Variants in OLFM3 observed in about 807,000 individuals in gnomAD.
The protein encoded by OLFM3 is olfactomedin 3.
In OLFM3, 20 loss-of-function variants were observed where a neutral mutation model predicts 48.6. The ratio of observed to expected loss-of-function variants is 0.41; its 90% CI spans 0.29 to 0.60. OLFM3 has a LOEUF of 0.60. Ranked by LOEUF, OLFM3 falls within the 20% of genes least tolerant of loss-of-function variation. The pLI, the probability that OLFM3 is intolerant of heterozygous loss-of-function variation, is 0.28. For missense variants in OLFM3, 437 were observed against 544.3 expected, an observed-to-expected ratio of 0.80 and a Z score of 1.96; for synonymous variants, 222 against 198.1, an observed-to-expected ratio of 1.12 and a Z score of -1.01.
intron 1 of OLFM3, among the ~76,000 whole-genome samples, chr1:101,870,912 C>G (rs2100975914): frequency 6.6e-6 from 1 of 151,234 alleles, no homozygotes; most frequent in African/African-American, 2.4e-5. Flanking sequence ...TGACACTACA[C>G]AGAAACATTG....
chr1:101,991,827 G>A (rs2101122964), intron 1 of OLFM3, among the ~76,000 whole-genome samples: 1 of 151,382 alleles, frequency 6.6e-6, no homozygotes, highest in South Asian at 2.1e-4. Context: ...GCAGAGTGGT[G>A]AGGTGGAAAG....
chr1:101,916,826 G>C (rs1303504426), intron 1 of OLFM3, among the ~76,000 whole-genome samples: 1 of 152,134 alleles, frequency 6.6e-6, no homozygotes, highest in East Asian at 1.9e-4. Flanking sequence ...CAGATACTAA[G>C]CTATAGCAAA....
chr1:101,842,653 T>C (rs1202301661), intron 1 of OLFM3, among the ~76,000 whole-genome samples: 1 of 152,176 alleles, frequency 6.6e-6, no homozygotes, highest in Non-Finnish European at 1.5e-5. Context: ...TAGTCCCATG[T>C]CTTTCCACAC....
rs2094409 is a variant in OLFM3 at position 101,937,794 on chromosome 1, G to A, written c.69+58954C>T. On this transcript the variant is annotated intron_variant, in intron 1 of 5. Coordinates refer to ENST00000370103, the MANE Select transcript of OLFM3 (RefSeq NM_058170.4). ...ATATCTCAAATACTTTCTTATCAAA[G>A]GTATCTCCTGACCACCCTATACATA... Among the ~76,000 whole-genome samples the A allele has an allele frequency of 3.0e-3, 451 of 152,168 alleles. 4 individuals carry two copies. The highest frequency in any genetic ancestry group is 9.8e-3 in the African/African-American group (406 of 41,506).
At chr1:101,860,357 G>A (rs1229529345) in intron 1 of OLFM3, among the ~76,000 whole-genome samples, 1 of 152,038 alleles carries the variant, frequency 6.6e-6, no homozygotes, top group East Asian at 1.9e-4. Context: ...GCAACTGCGT[G>A]TTAACTCAGC....
At chr1:101,812,872 T>G (rs1654136384) in intron 4 of OLFM3, 1 of 994,910 alleles carries the variant, frequency 1.0e-6, no homozygotes, top group Non-Finnish European at 1.2e-6. Context: ...AATCATACCT[T>G]AGAAAGCAAA....
chr1:101,898,125 A>C (rs868305366), intron 1 of OLFM3, among the ~76,000 whole-genome samples: 14 of 152,170 alleles, frequency 9.2e-5, no homozygotes, highest in African/African-American at 3.1e-4. Flanking sequence ...AGAATTATCC[A>C]TAGCTTACTG....
At chr1:101,990,465 G>A (rs1034209499) in intron 1 of OLFM3, among the ~76,000 whole-genome samples, 1 of 152,060 alleles carries the variant, frequency 6.6e-6, no homozygotes, top group Non-Finnish European at 1.5e-5. Flanking sequence ...GTTTTCACAT[G>A]TATTAATATC....
intron 1 of OLFM3, among the ~76,000 whole-genome samples, chr1:101,912,230 G>C (rs1381640977): frequency 6.6e-6 from 1 of 152,134 alleles, no homozygotes; most frequent in Non-Finnish European, 1.5e-5. Context: ...AATACCTGTG[G>C]GAACCCAAGC....
intron 1 of OLFM3, among the ~76,000 whole-genome samples, chr1:101,979,420 G>A (rs13376218): frequency 0.015 from 2,236 of 152,194 alleles, 57 homozygotes; most frequent in African/African-American, 0.05. Flanking sequence ...TCATGGGGGC[G>A]GTTTCTCCCA....
At chr1:101,909,511 A>G (rs1658676218) in intron 1 of OLFM3, among the ~76,000 whole-genome samples, 2 of 152,160 alleles carry the variant, frequency 1.3e-5, no homozygotes, top group African/African-American at 4.8e-5. Context: ...TATTTTAAAA[A>G]CCGTCTATGA....
chr1:101,890,154 T>C (rs1324637042), intron 1 of OLFM3, among the ~76,000 whole-genome samples: 4 of 152,044 alleles, frequency 2.6e-5, no homozygotes, highest in Admixed American at 2.0e-4. Context: ...GAAAATGATA[T>C]TGGAAAATAG....
At chr1:101,931,525 T>G (rs986077138) in intron 1 of OLFM3, among the ~76,000 whole-genome samples, 8 of 152,324 alleles carry the variant, frequency 5.3e-5, no homozygotes, top group African/African-American at 1.7e-4. Flanking sequence ...CCACTGTGGA[T>G]GCAATAATGG....
At chr1:101,807,876 T>C (rs1400372965) in intron 4 of OLFM3, among the ~76,000 whole-genome samples, 1 of 151,770 alleles carries the variant, frequency 6.6e-6, no homozygotes, top group Non-Finnish European at 1.5e-5. Context: ...ATTTAGAATA[T>C]ATAAGCTCTA....
chr1:101,959,695 G>A (rs546396929), intron 1 of OLFM3, among the ~76,000 whole-genome samples: 3 of 152,248 alleles, frequency 2.0e-5, no homozygotes, highest in South Asian at 2.1e-4. Flanking sequence ...AATCTCCAAT[G>A]AGGCTAGATA....
rs991967563 is a variant in OLFM3 at position 101,875,680 on chromosome 1, AT to A, written c.70-38656del. Among the ~76,000 whole-genome samples, 3 of 151,948 alleles carry A rather than the reference AT, an allele frequency of 2.0e-5. No individual in the cohort carries two copies. In the Admixed American group the frequency reaches 2.0e-4, roughly 10 times the overall value. ...ACTTTATAAAAGTGTCATTTCCAATATTCCATTTTGTCTGTCATCAGACCAC... is the reference window on the plus strand; with the variant it reads ...ACTTTATAAAAGTGTCATTTCCAATATCCATTTTGTCTGTCATCAGACCAC... On this transcript the variant is annotated intron_variant, in intron 1 of 5. Coordinates refer to ENST00000370103, the MANE Select transcript of OLFM3 (RefSeq NM_058170.4).
rs148196881 is a variant in OLFM3 at position 101,944,012 on chromosome 1, C to CTA, written c.69+52734_69+52735dup. ...TATTCCGTTGAAAGTTGTATTCCCA[C>CTA]TATATATATATCCATATCTAGGTTG... On this transcript the variant is annotated intron_variant, in intron 1 of 5. Transcript: ENST00000370103. Among the ~76,000 whole-genome samples, 1,433 of 149,058 alleles carry CTA rather than the reference C, an allele frequency of 9.6e-3. 22 individuals carry two copies. The highest frequency in any genetic ancestry group is 0.033 in the African/African-American group (1,326 of 40,610).
chr1:101,841,029 T>C (rs1220661122), intron 1 of OLFM3, among the ~76,000 whole-genome samples: 1 of 152,240 alleles, frequency 6.6e-6, no homozygotes, highest in Non-Finnish European at 1.5e-5. Context: ...ATTAAAATTA[T>C]AGTTTTAACA....
At chr1:101,984,890 A>C (rs1661193924) in intron 1 of OLFM3, among the ~76,000 whole-genome samples, 1 of 152,216 alleles carries the variant, frequency 6.6e-6, no homozygotes, top group South Asian at 2.1e-4. Flanking sequence ...CCAATGTATT[A>C]GTTTCTATTG....
Sources: gnomAD v4.1 joint callset for allele counts (sites outside exome capture counted in the v4.1 genomes callset) on GRCh38, gnomAD v4.1.1 for gene constraint, MANE v1.5 for transcripts, NCBI Gene and HGNC (gene_info 2026-07-23, HGNC 2026-07-21) for gene names.